The following CNTN5 variants were observed in gnomAD, a reference collection of about 807,000 sequenced individuals.
CNTN5 encodes contactin 5, also known as contactin-5.
CNTN5 carries 77 observed loss-of-function variants against 129.1 expected under a neutral mutation model. The ratio of observed to expected loss-of-function variants is 0.60; its 90% CI spans 0.50 to 0.72. The LOEUF (loss-of-function observed/expected upper bound fraction) is 0.72, where lower values mean the gene tolerates loss of function less well. CNTN5 is among the 30% of genes least tolerant of loss of function. CNTN5 has a pLI of 0.00. For missense variants in CNTN5, 1,478 were observed against 1,328.8 expected (o/e 1.11, Z -1.75); for synonymous variants, 509 against 465.6 (o/e 1.09, Z -1.20).
rs74680569 is a variant in CNTN5, at chr11:99,735,812, C to T, written c.56-83732C>T. On this transcript the variant is annotated intron_variant, in intron 3 of 24. Transcript: ENST00000524871. ...TGTGTGTAGAGAACATAAAATCCACCTGCTGAGTGGATTTCAGGTATACAA... is the reference window on the plus strand; with the variant it reads ...TGTGTGTAGAGAACATAAAATCCACTTGCTGAGTGGATTTCAGGTATACAA... Among the ~76,000 whole-genome samples the T allele has an allele frequency of 8.8e-3, 1,341 of 152,236 alleles. 11 individuals carry two copies. The highest frequency in any genetic ancestry group is 0.015 in the Non-Finnish European group (990 of 68,010).
chr11:99,352,927 C>G (rs1243856215), intron 2 of CNTN5, among the ~76,000 whole-genome samples: 3 of 152,144 alleles, frequency 2.0e-5, no homozygotes, highest in Non-Finnish European at 2.9e-5. Flanking sequence ...ATAGAGATGG[C>G]TGTCTGCCTC....
At chr11:100,136,962 T>C (rs1434797505) in intron 13 of CNTN5, among the ~76,000 whole-genome samples, 1 of 151,910 alleles carries the variant, frequency 6.6e-6, no homozygotes, top group Admixed American at 6.6e-5. Context: ...AATTCAGATA[T>C]TTTTATCATT....
chr11:99,943,080 A>G (rs1446597163), intron 7 of CNTN5, among the ~76,000 whole-genome samples: 3 of 152,056 alleles, frequency 2.0e-5, no homozygotes, highest in Non-Finnish European at 4.4e-5. Context: ...CAAATTGAGT[A>G]TCTGGTTCTA....
chr11:99,821,178 T>A (rs1389353849), intron 4 of CNTN5, among the ~76,000 whole-genome samples: 1 of 152,222 alleles, frequency 6.6e-6, no homozygotes, highest in Non-Finnish European at 1.5e-5. Flanking sequence ...GTGATCTACT[T>A]GTATAGTCGG....
chr11:99,686,910 C>G (rs934421448), intron 3 of CNTN5, among the ~76,000 whole-genome samples: 9 of 152,146 alleles, frequency 5.9e-5, no homozygotes, highest in Admixed American at 6.6e-5. Flanking sequence ...GATCCTCACT[C>G]CACAGCTCAA....
At chr11:99,245,250 G>A (rs1238510851) in intron 1 of CNTN5, among the ~76,000 whole-genome samples, 1 of 152,122 alleles carries the variant, frequency 6.6e-6, no homozygotes, top group Non-Finnish European at 1.5e-5. Context: ...GTAAACTGGA[G>A]ATATAACTGC....
At chr11:99,425,737 C>T (rs930095013) in intron 2 of CNTN5, among the ~76,000 whole-genome samples, 5 of 152,224 alleles carry the variant, frequency 3.3e-5, no homozygotes, top group Non-Finnish European at 5.9e-5. Context: ...GGTCTGCAGC[C>T]ATGGCTGGGT....
chr11:100,286,719 G>A (rs374395533), intron 18 of CNTN5, among the ~76,000 whole-genome samples: 12,053 of 147,032 alleles, frequency 0.082, 583 homozygotes, highest in Non-Finnish European at 0.1. Flanking sequence ...CCAAAGGAAC[G>A]CAGTTCCTCA....
At chr11:100,171,846 GA>G (rs5794040) in intron 13 of CNTN5, among the ~76,000 whole-genome samples, 55,545 of 150,650 alleles carry the variant, frequency 0.37, 12,975 homozygotes, top group African/African-American at 0.67. Context: ...AAAGCTAAAA[GA>G]AAAAAAAACC....
At chr11:99,631,082 A>G (rs1000633268) in intron 3 of CNTN5, among the ~76,000 whole-genome samples, 2 of 152,162 alleles carry the variant, frequency 1.3e-5, no homozygotes, top group Non-Finnish European at 2.9e-5. Flanking sequence ...TTTTATTTCC[A>G]TGAAATTAAT....
At chr11:99,925,517 G>A (rs904967159) in intron 7 of CNTN5, among the ~76,000 whole-genome samples, 1 of 152,112 alleles carries the variant, frequency 6.6e-6, no homozygotes, top group Non-Finnish European at 1.5e-5. Flanking sequence ...AATGGACACT[G>A]AAGGACTAAA....
chr11:99,721,770 C>T lies in CNTN5; in HGVS notation c.56-97774C>T, dbSNP rs1032824361. The stretch of plus-strand genomic sequence containing the variant: ...TCCAATATCCAGCATTGATAAGGAA[C>T]TTGAACACATTTACAAAAGAAAAAC... On this transcript the variant is annotated intron_variant, in intron 3 of 24. Transcript: ENST00000524871. Among the ~76,000 whole-genome samples, 5 of 152,226 alleles carry T rather than the reference C, an allele frequency of 3.3e-5. No individual in the cohort carries two copies. The South Asian group carries it at 8.3e-4, about 25-fold the overall frequency.
At chr11:99,241,045 A>G (rs1275962967) in intron 1 of CNTN5, among the ~76,000 whole-genome samples, 1 of 152,228 alleles carries the variant, frequency 6.6e-6, no homozygotes, top group Non-Finnish European at 1.5e-5. Context: ...TCGAGATTCA[A>G]TGAATAATCT....
intron 1 of CNTN5, among the ~76,000 whole-genome samples, chr11:99,274,575 C>CT (rs1403058856): frequency 6.6e-6 from 1 of 151,302 alleles, no homozygotes; most frequent in African/African-American, 2.4e-5. Context: ...CTGTGATTTA[C>CT]TTTTTATGCT....
intron 3 of CNTN5, among the ~76,000 whole-genome samples, chr11:99,595,043 A>T (rs1444754957): frequency 6.6e-6 from 1 of 152,194 alleles, no homozygotes; most frequent in Non-Finnish European, 1.5e-5. Context: ...GATAGTGGTT[A>T]CCAGAGGCTG....
chr11:99,884,549 T>C (rs1591362834), intron 6 of CNTN5, among the ~76,000 whole-genome samples: 1 of 152,238 alleles, frequency 6.6e-6, no homozygotes, highest in Admixed American at 6.5e-5. Context: ...GGCTGAGAAT[T>C]CTCCAAAACT....
intron 1 of CNTN5, among the ~76,000 whole-genome samples, chr11:99,176,505 T>C (rs1379512993): frequency 1.3e-5 from 2 of 152,178 alleles, no homozygotes; most frequent in Non-Finnish European, 2.9e-5. Context: ...TAATTTTCCT[T>C]CCAGATTTTT....
chr11:100,109,237 C>T (rs897903598), intron 13 of CNTN5, among the ~76,000 whole-genome samples: 1 of 152,128 alleles, frequency 6.6e-6, no homozygotes, highest in Non-Finnish European at 1.5e-5. Flanking sequence ...ACCAGCCTGG[C>T]CAACATGGCG....
chr11:99,503,902 T>C (rs2135390175), intron 2 of CNTN5, among the ~76,000 whole-genome samples: 1 of 152,310 alleles, frequency 6.6e-6, no homozygotes, highest in East Asian at 1.9e-4. Context: ...TTGAGTTAAA[T>C]TAGCAAGATA....
Sources: gnomAD v4.1 joint callset for allele counts (sites outside exome capture counted in the v4.1 genomes callset) on GRCh38, gnomAD v4.1.1 for gene constraint, MANE v1.5 for transcripts, NCBI Gene and HGNC (gene_info 2026-07-23, HGNC 2026-07-21) for gene names.